The following SHTN1 variants were observed in gnomAD, a reference collection of about 807,000 sequenced individuals.
SHTN1 encodes shootin 1.
SHTN1 carries 42 observed loss-of-function variants against 83.1 expected under a neutral mutation model. The observed-to-expected ratio is 0.51, with a 90% CI of 0.39 to 0.65. SHTN1 has a LOEUF of 0.65. Among genes scored for constraint, SHTN1 ranks in the 30% least tolerant of loss-of-function variants. SHTN1 has a pLI of 0.00. For missense variants in SHTN1, 622 were observed against 737.8 expected (o/e 0.84, Z 1.82); for synonymous variants, 224 against 247.7 (o/e 0.90, Z 0.90).
At chr10:116,907,301 T>C (rs1404209176) in intron 14 of SHTN1, among the ~76,000 whole-genome samples, 1 of 152,162 alleles carries the variant, frequency 6.6e-6, no homozygotes, top group African/African-American at 2.4e-5. Context: ...TGAGCACATC[T>C]TGACTTCAGT....
chr10:117,024,317 T>G (rs991373448), intron 2 of SHTN1, among the ~76,000 whole-genome samples: 1 of 151,692 alleles, frequency 6.6e-6, no homozygotes, highest in African/African-American at 2.4e-5. Context: ...AGGTTTAGGT[T>G]GTACAGATGT....
At chr10:116,994,480 G>T (rs1344023700) in intron 1 of SHTN1, among the ~76,000 whole-genome samples, 1 of 151,950 alleles carries the variant, frequency 6.6e-6, no homozygotes, top group Non-Finnish European at 1.5e-5. Context: ...AAAGATTTTT[G>T]TTCACCTTTT....
At chr10:117,035,947 C>CAAAAA (rs35033048) in intron 2 of SHTN1, among the ~76,000 whole-genome samples, 8 of 72,156 alleles carry the variant, frequency 1.1e-4, no homozygotes, top group Admixed American at 3.9e-4. Context: ...AACTCCATCT[C>CAAAAA]AAAAAAAAAA....
intron 1 of SHTN1, among the ~76,000 whole-genome samples, chr10:117,108,727 AAAAAAG>A (rs1390444533): frequency 2.0e-5 from 3 of 152,188 alleles, no homozygotes; most frequent in Non-Finnish European, 2.9e-5. Context: ...AAACAAGAAA[AAAAAAG>A]AAAAAGTACG....
intron 9 of SHTN1, among the ~76,000 whole-genome samples, chr10:116,936,381 T>C (rs764731666): frequency 2.6e-5 from 4 of 152,232 alleles, no homozygotes; most frequent in African/African-American, 4.8e-5. Flanking sequence ...TCTGTTCTCA[T>C]TGGTTTCAAA....
At position 116,896,997 on chromosome 10, in the gene SHTN1, G is replaced by A. The variant is rs555137866; in HGVS notation, c.1673+4768C>T. On this transcript the variant is annotated intron_variant, in intron 16 of 16. Transcript: ENST00000355371. ...AATTTTTGTATTTTTAGTAGAGATA[G>A]GGTTTTGCCATGTTGGCCCGGCTGG... Among the ~76,000 whole-genome samples the A allele has an allele frequency of 3.3e-5, 5 of 152,142 alleles. No homozygotes were observed. In the South Asian group the frequency reaches 1.0e-3, roughly 32 times the overall value.
At chr10:116,959,021 T>C (rs1014353187) in intron 4 of SHTN1, among the ~76,000 whole-genome samples, 5 of 152,156 alleles carry the variant, frequency 3.3e-5, no homozygotes, top group Non-Finnish European at 5.9e-5. Context: ...CACTAGAAGA[T>C]TCAGAGCAGC....
intron 1 of SHTN1, among the ~76,000 whole-genome samples, chr10:116,982,030 C>G (rs1851040094): frequency 6.6e-6 from 1 of 152,194 alleles, no homozygotes; most frequent in African/African-American, 2.4e-5. Flanking sequence ...TGTATTCCAG[C>G]CTGGGCAACA....
At chr10:116,925,060 C>G (rs1268390694) in intron 11 of SHTN1, among the ~76,000 whole-genome samples, 2 of 152,108 alleles carry the variant, frequency 1.3e-5, no homozygotes, top group Non-Finnish European at 2.9e-5. Context: ...CCGGCCTTCA[C>G]CTGTTAGTTT....
chr10:117,017,340 A>C (rs1374665735), intron 2 of SHTN1, among the ~76,000 whole-genome samples: 1 of 151,900 alleles, frequency 6.6e-6, no homozygotes, highest in Non-Finnish European at 1.5e-5. Flanking sequence ...AAATACAAAA[A>C]ATTAGCCGGG....
intron 1 of SHTN1, among the ~76,000 whole-genome samples, chr10:117,122,964 A>G (rs1039849929): frequency 6.6e-6 from 1 of 152,198 alleles, no homozygotes. Context: ...TAAGAAGATA[A>G]TCTGATTGGT....
chr10:116,881,791 ATTC>A lies in SHTN1; in HGVS notation c.*4550_*4552del. ...AACTTCACCAACTCTTGTGGTTTTT[ATTC>A]TTCTAATTCCACTGTTTGGTAAATT... On this transcript the variant is annotated 3_prime_UTR_variant, in exon 17 of 17. Coordinates refer to ENST00000355371, the MANE Select transcript of SHTN1 (RefSeq NM_001127211.3). 1 of 702,888 alleles carries A rather than the reference ATTC, an allele frequency of 1.4e-6. No individual in the cohort carries two copies. Among genetic ancestry groups the A allele is most frequent in the Non-Finnish European group, 2.1e-6 (1 of 481,248 alleles). The allele number at this position is 702,888 out of a possible 1,614,324, so 43.5% of individuals were successfully genotyped here. A position where few individuals can be genotyped will look rare whatever the true frequency, so the allele number is the denominator to read the frequency against.
intron 1 of SHTN1, among the ~76,000 whole-genome samples, chr10:117,085,943 C>T (rs1443325880): frequency 1.0e-4 from 10 of 98,648 alleles, no homozygotes; most frequent in African/African-American, 2.8e-4. Flanking sequence ...TTTTTTGAGA[C>T]GGAGTCTCGC....
chr10:117,072,312 G>A (rs767792072), intron 1 of SHTN1, among the ~76,000 whole-genome samples: 2 of 152,144 alleles, frequency 1.3e-5, no homozygotes, highest in Non-Finnish European at 2.9e-5. Flanking sequence ...CATAGCAGAC[G>A]GGAAGAGGAC....
At chr10:117,006,565 CAAAAAA>C (rs35193104), upstream of SHTN1, among the ~76,000 whole-genome samples, 1 of 92,658 alleles carries the variant, frequency 1.1e-5, no homozygotes, top group African/African-American at 4.2e-5. Context: ...GACTCCGTCT[CAAAAAA>C]AAAAAAAAAA....
At chr10:117,023,071 A>C (rs1852285957) in intron 2 of SHTN1, among the ~76,000 whole-genome samples, 2 of 152,234 alleles carry the variant, frequency 1.3e-5, no homozygotes. Flanking sequence ...TGACAACATT[A>C]AAAGCTCATG....
chr10:116,940,608 A>T lies in SHTN1; in HGVS notation c.716T>A (p.Phe239Tyr). The change falls in exon 9 of 17, where the codon TTC becomes TAC. Residue 239 changes from phenylalanine to tyrosine, a missense_variant. This residue lies in a region of SHTN1 where 383 missense variants were observed against 455.8 expected (regional missense o/e 0.84). Coordinates refer to ENST00000355371, the MANE Select transcript of SHTN1 (RefSeq NM_001127211.3). The part of the protein sequence containing the change: ...KKAESFAQEM[F>Y]IEQNKLKRQS... ...TCTCTTTAGCTTGTTTTGCTCAATG[A>T]ACATCTGCAAAAGTTTGTTACAAGA... 6.2e-7 allele frequency: 1 copy of T among 1,601,840 alleles called. No individual in the cohort carries two copies. Among genetic ancestry groups the T allele is most frequent in the Non-Finnish European group, 8.5e-7 (1 of 1,172,896 alleles).
chr10:116,926,315 C>T (rs1848740362), intron 11 of SHTN1, among the ~76,000 whole-genome samples: 2 of 152,122 alleles, frequency 1.3e-5, no homozygotes, highest in African/African-American at 4.8e-5. Flanking sequence ...CAGAAGTGAC[C>T]TTTCTTATCA....
At chr10:117,033,972 A>T (rs1852457829) in intron 2 of SHTN1, among the ~76,000 whole-genome samples, 1 of 152,254 alleles carries the variant, frequency 6.6e-6, no homozygotes, top group Non-Finnish European at 1.5e-5. Context: ...GATGAAATTC[A>T]ACATCCCTTC....
Sources: gnomAD v4.1 joint callset for allele counts (sites outside exome capture counted in the v4.1 genomes callset) on GRCh38, gnomAD v4.1.1 for gene constraint, gnomAD v4.1.1 regional missense constraint, MANE v1.5 for transcripts, NCBI Gene and HGNC (gene_info 2026-07-23, HGNC 2026-07-21) for gene names.